Variants in DMD observed in about 807,000 individuals in gnomAD.
DMD encodes the protein dystrophin, also known as mutant dystrophin.
A neutral mutation model predicts 330.1 loss-of-function variants in DMD; 63 were observed. The ratio of observed to expected loss-of-function variants is 0.19; its 90% confidence interval spans 0.16 to 0.24. The LOEUF (loss-of-function observed/expected upper bound fraction) is 0.24, where lower values mean the gene tolerates loss of function less well. DMD is among the 10% of genes least tolerant of loss of function. DMD has a pLI of 1.00. For missense variants in DMD, 3,344 were observed against 2,684.1 expected, an observed-to-expected ratio of 1.25 and a Z score of -5.43; for synonymous variants, 1,223 against 959.8, an observed-to-expected ratio of 1.27 and a Z score of -5.07.
In DMD at chrX:32,644,238, T is replaced by A. The variant is rs34155804; in HGVS notation, c.1225A>T (p.Thr409Ser). The A allele has an allele frequency of 1.9e-3, 2,334 of 1,209,415 alleles. 26 individuals are homozygous for A. In the African/African-American group the frequency reaches 0.035, roughly 18 times the overall value. ...ILQLGSKLIG[T>S]GKLSEDEETE... ...TCTTCATCTTCTGATAATTTTCCTG[T>A]TCCAATCAGCTTACTTCCCAATTGT... Residue 409 changes from threonine to serine, a missense_variant, in exon 11 of 79, where the codon ACA (threonine) becomes TCA (serine). Physicochemically the swap from Thr to Ser is moderately conservative, Grantham distance 58. Transcript: ENST00000357033.
chrX:32,333,294 T>A (rs1257539287), intron 41 of DMD, among the ~76,000 whole-genome samples: 1 of 112,015 alleles, frequency 8.9e-6, no homozygotes, highest in Non-Finnish European at 1.9e-5. Flanking sequence ...TTTATGCTAG[T>A]AAACGGTTTC....
intron 44 of DMD, among the ~76,000 whole-genome samples, chrX:32,065,927 C>T (rs2096257027): frequency 9.0e-6 from 1 of 111,044 alleles, no homozygotes; most frequent in South Asian, 3.7e-4. Flanking sequence ...CTCTTTCTTT[C>T]CTCGACAGTG....
At chrX:32,472,418 C>G in intron 21 of DMD, 109 bp from the exon 22 acceptor site, 2 of 755,984 alleles carry the variant, frequency 2.6e-6, no homozygotes, top group Non-Finnish European at 3.9e-6. Context: ...CAAATATTAA[C>G]AAAATTAGAA....
intron 44 of DMD, among the ~76,000 whole-genome samples, chrX:32,027,924 A>T (rs2095858343): frequency 8.9e-6 from 1 of 112,450 alleles, no homozygotes; most frequent in African/African-American, 3.2e-5. Context: ...ATACAAAGAC[A>T]AACATGAGTG....
intron 50 of DMD, among the ~76,000 whole-genome samples, chrX:31,775,518 G>A (rs920465832): frequency 1.8e-5 from 2 of 110,932 alleles, no homozygotes; most frequent in African/African-American, 6.6e-5. Context: ...GGGAAGGAAT[G>A]CCTAATCAAG....
At chrX:32,011,868 A>T (rs983345686) in intron 44 of DMD, among the ~76,000 whole-genome samples, 7 of 111,567 alleles carry the variant, frequency 6.3e-5, no homozygotes, top group African/African-American at 2.3e-4. Context: ...CCTTGGTACT[A>T]TTTGGAGGAG....
intron 62 of DMD, among the ~76,000 whole-genome samples, chrX:31,282,256 G>A (rs1460411982): frequency 9.0e-6 from 1 of 111,687 alleles, no homozygotes; most frequent in African/African-American, 3.3e-5. Flanking sequence ...ATACTTAATT[G>A]TAATCAAATG....
At position 31,996,942 on chromosome X, in the gene DMD, C is replaced by T. The variant is rs763211088; in HGVS notation, c.6439-28428G>A. 7.2e-5 allele frequency among the ~76,000 whole-genome samples: 8 copies of T among 111,754 alleles called. No individual in the cohort carries two copies. The East Asian group carries it at 2.3e-3, about 32-fold the overall frequency. On this transcript the variant is annotated intron_variant, in intron 44 of 78. Transcript: ENST00000357033. ...GAAGGGAAGAGGAAAGGGCAGTATG[C>T]TTTCATGAATATTAATCATTTATAA...
intron 72 of DMD, among the ~76,000 whole-genome samples, 170 bp from the exon 73 acceptor site, chrX:31,172,583 T>C: frequency 8.9e-6 from 1 of 112,196 alleles, no homozygotes. Context: ...CAGTGTGTGG[T>C]AGACCACAGC....
At chrX:32,989,970 C>T (rs1289402925) in intron 2 of DMD, among the ~76,000 whole-genome samples, 1 of 111,519 alleles carries the variant, frequency 9.0e-6, no homozygotes, top group Non-Finnish European at 1.9e-5. Context: ...GGTTTCATAA[C>T]TCTGTATGAA....
chrX:31,451,635 T>C (rs2065762326), intron 59 of DMD, among the ~76,000 whole-genome samples: 1 of 110,686 alleles, frequency 9.0e-6, no homozygotes, highest in Admixed American at 9.7e-5. Context: ...GGCTATTTCA[T>C]AGCTCTCCAA....
chrX:31,281,396 G>T (rs1332648026), intron 62 of DMD, among the ~76,000 whole-genome samples: 1 of 111,268 alleles, frequency 9.0e-6, no homozygotes, highest in African/African-American at 3.3e-5. Context: ...ATGAAAATGA[G>T]GTGCATGTGA....
chrX:32,539,650 T>C (rs1405568939), intron 17 of DMD, among the ~76,000 whole-genome samples: 1 of 112,035 alleles, frequency 8.9e-6, no homozygotes, highest in Non-Finnish European at 1.9e-5. Context: ...ACAAAAATGT[T>C]TTAGGCATGA....
chrX:32,375,414 G>A (rs1041103154), intron 34 of DMD, among the ~76,000 whole-genome samples: 1 of 112,014 alleles, frequency 8.9e-6, no homozygotes, highest in Non-Finnish European at 1.9e-5. Context: ...TAATACTCAC[G>A]AAGTGGGTGT....
chrX:32,332,558 A>C (rs1211221484), intron 41 of DMD, among the ~76,000 whole-genome samples: 3 of 109,967 alleles, frequency 2.7e-5, no homozygotes, highest in Non-Finnish European at 5.7e-5. Context: ...TTTTAGGCAG[A>C]GGTAGCACAC....
chrX:32,408,143 G>A (rs73619075), intron 30 of DMD, among the ~76,000 whole-genome samples: 16,889 of 110,887 alleles, frequency 0.15, 1,097 homozygotes, highest in African/African-American at 0.24. Context: ...CTGTGAATTG[G>A]CTAAGTGTTA....
intron 1 of DMD, among the ~76,000 whole-genome samples, chrX:33,105,607 G>C (rs1486226861): frequency 9.0e-6 from 1 of 111,530 alleles, no homozygotes; most frequent in Admixed American, 9.6e-5. Context: ...TAAAAAGCTT[G>C]GAAACGACAA....
chrX:31,861,675 T>C (rs371596499), intron 48 of DMD, among the ~76,000 whole-genome samples: 24 of 91,415 alleles, frequency 2.6e-4, no homozygotes, highest in Admixed American at 1.2e-3. Context: ...TGTATATATA[T>C]ACACACACAC....
In DMD at chrX:31,366,520, A is replaced by AAAT. The variant is rs2059267912; in HGVS notation, c.9085-17887_9085-17886insATT. The stretch of plus-strand genomic sequence containing the variant: ...AACATAAAAAAAAAAATAAATAAAT[A>AAAT]AAAAAGATAAAAGAAAAAAAAGAAA... On this transcript the variant is annotated intron_variant, in intron 60 of 78. Transcript: ENST00000357033. Among the ~76,000 whole-genome samples the AAAT allele has an allele frequency of 3.9e-5, 4 of 102,894 alleles. No individual in the cohort carries two copies. In the Admixed American group the frequency reaches 4.1e-4, roughly 11 times the overall value. 89.4% of individuals were successfully genotyped at this position (102,894 alleles called of 115,157 possible).
Sources: gnomAD v4.1 joint callset for allele counts (sites outside exome capture counted in the v4.1 genomes callset) on GRCh38, gnomAD v4.1.1 for gene constraint, MANE v1.5 for transcripts, NCBI Gene and HGNC (gene_info 2026-07-23, HGNC 2026-07-21) for gene names.